Variants in PCDHGB3 observed in about 807,000 individuals in gnomAD.
PCDHGB3 encodes protocadherin gamma-B3.
In PCDHGB3, 40 loss-of-function variants were observed where a neutral mutation model predicts 59.2. The observed-to-expected ratio is 0.68, with a 90% CI of 0.52 to 0.88. The LOEUF is 0.88. Among genes scored for constraint, PCDHGB3 ranks in the 40% least tolerant of loss-of-function variants. The pLI is 0.00. For missense variants in PCDHGB3, 1,309 were observed against 1,187.9 expected (o/e 1.10, Z -1.50); for synonymous variants, 581 against 503.6 (o/e 1.15, Z -2.06).
rs765969768 is a variant in PCDHGB3, at chr5:141,421,456, G to A, written c.2415+48647G>A. ...CTCCAGAGGGAAGACACAGCTTTTC[G>A]CTGTGAATCCGCGAAGCGGCAGCTT... is the stretch of plus-strand genomic sequence containing the variant. On this transcript the variant is annotated intron_variant, in intron 1 of 3. Transcript: ENST00000576222. 9.3e-6 allele frequency: 15 copies of A among 1,614,132 alleles called. No homozygotes were observed. Among genetic ancestry groups the A allele is most frequent in the Non-Finnish European group, 1.1e-5 (13 of 1,179,948 alleles).
chr5:141,428,488 CTGT>C (rs2097142454), intron 1 of PCDHGB3: 1 of 312,362 alleles, frequency 3.2e-6, no homozygotes. Flanking sequence ...TTCCTGCAAT[CTGT>C]ATGTTCCCTC....
chr5:141,408,158 T>G lies in PCDHGB3; in HGVS notation c.2415+35349T>G, dbSNP rs1190245850. On this transcript the variant is annotated intron_variant, in intron 1 of 3. Coordinates refer to ENST00000576222, the MANE Select transcript of PCDHGB3 (RefSeq NM_018924.5). ...TCTTTTAGCGCGGTAGAGTGCACTTTCTCCAACTGGAAAAGCGGGGACCCA... is the reference window on the plus strand; with the variant it reads ...TCTTTTAGCGCGGTAGAGTGCACTTGCTCCAACTGGAAAAGCGGGGACCCA... The G allele has an allele frequency of 2.0e-6, 3 of 1,515,140 alleles. No individual in the cohort carries two copies. In the Admixed American group the frequency reaches 6.4e-5, roughly 32 times the overall value. The allele number at this position is 1,515,140 out of a possible 1,614,324, so 93.9% of individuals were successfully genotyped here.
rs575872277 is a variant in PCDHGB3, at chr5:141,511,848, G to A, written c.*675G>A. The A allele has an allele frequency of 6.4e-6, 1 of 156,684 alleles. No individual in the cohort carries two copies. The highest frequency in any genetic ancestry group is 2.0e-4 in the South Asian group (1 of 5,078). The allele number at this position is 156,684 out of a possible 1,614,324, so 9.7% of individuals were successfully genotyped here. A position where few individuals can be genotyped will look rare whatever the true frequency, so the allele number is the denominator to read the frequency against. ...GCCCTGGGGACCAGTCTTCTGTTTT[G>A]TTTTTCATTGTTTGACGTTTCCACT... On this transcript the variant is annotated 3_prime_UTR_variant, in exon 4 of 4. Transcript: ENST00000576222.
chr5:141,476,234 G>A lies in PCDHGB3; in HGVS notation c.2416-18573G>A. 6.2e-7 allele frequency: 1 copy of A among 1,614,070 alleles called. No individual in the cohort carries two copies. The highest frequency in any genetic ancestry group is 8.5e-7 in the Non-Finnish European group (1 of 1,180,014). On this transcript the variant is annotated intron_variant, in intron 1 of 3. Coordinates refer to ENST00000576222, the MANE Select transcript of PCDHGB3 (RefSeq NM_018924.5). The surrounding 1 kb of genome is among the most constrained non-coding windows in gnomAD (Gnocchi z 7.6). Reference sequence around the variant, plus strand: ...GGTCATTCACTATGAGATCCCGGAGGAAAGAGAGAAGGGTTTCGCTGTGGG... The same window carrying A: ...GGTCATTCACTATGAGATCCCGGAGAAAAGAGAGAAGGGTTTCGCTGTGGG...
At chr5:141,422,665 C>T in intron 1 of PCDHGB3, 2 of 1,608,390 alleles carry the variant, frequency 1.2e-6, no homozygotes, top group Non-Finnish European at 8.5e-7. Context: ...CGCCCTCGAC[C>T]CGGACAGCAA....
intron 1 of PCDHGB3, chr5:141,417,710 T>C: frequency 8.0e-7 from 1 of 1,249,348 alleles, no homozygotes; most frequent in Non-Finnish European, 1.1e-6. Context: ...ACACAGAGGC[T>C]CCCGGCTGCG....
At chr5:141,411,489 T>C (rs1229059443) in intron 1 of PCDHGB3, 1 of 152,090 alleles carries the variant, frequency 6.6e-6, no homozygotes, top group Non-Finnish European at 1.5e-5. Context: ...GAGGCTGAGC[T>C]GGGTGGATTG....
chr5:141,427,547 T>C (rs747558888), intron 1 of PCDHGB3: 1 of 640,310 alleles, frequency 1.6e-6, no homozygotes, highest in South Asian at 1.5e-5. Flanking sequence ...TCACCATCAC[T>C]GCCACTGACA....
intron 1 of PCDHGB3, chr5:141,423,758 G>GA: frequency 1.1e-5 from 4 of 366,840 alleles, no homozygotes; most frequent in South Asian, 8.5e-5. Flanking sequence ...TTTGGGGGGG[G>GA]GGTGGGGCGG....
At position 141,372,218 on chromosome 5, in the gene PCDHGB3, T is replaced by C; in HGVS notation, c.1824T>C (p.Ile608=). The C allele has an allele frequency of 6.2e-7, 1 of 1,613,544 alleles. No individual in the cohort carries two copies. Among genetic ancestry groups the C allele is most frequent in the Non-Finnish European group, 8.5e-7 (1 of 1,179,894 alleles). The change falls in exon 1 of 4, where the codon ATT becomes ATC. Residue 608 remains isoleucine (I), a synonymous_variant. Coordinates refer to ENST00000576222, the MANE Select transcript of PCDHGB3 (RefSeq NM_018924.5). ...ACAACGCCTGGCTGTCCTACCACAT[T>C]GTGCAGGCCAGCGAGCCCGGGCTGT... is the stretch of plus-strand genomic sequence containing the variant. ...SGYNAWLSYH[I]VQASEPGLFS...
At chr5:141,436,611 C>T (rs893312137) in intron 1 of PCDHGB3, among the ~76,000 whole-genome samples, 1 of 152,126 alleles carries the variant, frequency 6.6e-6, no homozygotes, top group Non-Finnish European at 1.5e-5. Context: ...CTAGGGCTAA[C>T]AAAAATCTGA....
chr5:141,461,072 A>C (rs555905734), intron 1 of PCDHGB3, among the ~76,000 whole-genome samples: 1 of 151,688 alleles, frequency 6.6e-6, no homozygotes, highest in African/African-American at 2.4e-5. Context: ...ACATTTTTGC[A>C]ATTGTGAATT....
At chr5:141,473,801 T>C (rs1593456345) in intron 1 of PCDHGB3, among the ~76,000 whole-genome samples, 1 of 152,226 alleles carries the variant, frequency 6.6e-6, no homozygotes, top group East Asian at 1.9e-4. Flanking sequence ...ATGATGCTAC[T>C]GAGGAGCAGC....
At chr5:141,382,585 A>C (rs543954739) in intron 1 of PCDHGB3, among the ~76,000 whole-genome samples, 8 of 152,250 alleles carry the variant, frequency 5.3e-5, no homozygotes, top group Non-Finnish European at 1.0e-4. Context: ...GGAAATTTTG[A>C]AAGATGAAAC....
At position 141,459,716 on chromosome 5, in the gene PCDHGB3, C is replaced by T. The variant is rs1592633942; in HGVS notation, c.2416-35091C>T. On this transcript the variant is annotated intron_variant, in intron 1 of 3. Coordinates refer to ENST00000576222, the MANE Select transcript of PCDHGB3 (RefSeq NM_018924.5). ...CGCTTGCTACATTTTCTCACCAATG[C>T]TTCCTATTGTCAATTTTTTAAATTT... is the stretch of plus-strand genomic sequence containing the variant. Among the ~76,000 whole-genome samples the T allele has an allele frequency of 2.0e-5, 3 of 152,334 alleles. No homozygotes were observed. In the South Asian group the frequency reaches 6.2e-4, roughly 32 times the overall value.
In PCDHGB3 at chr5:141,408,945, G is replaced by A. The variant is rs1176579339; in HGVS notation, c.2415+36136G>A. 21 of 1,613,590 alleles carry A rather than the reference G, an allele frequency of 1.3e-5. No individual in the cohort carries two copies. In the East Asian group the frequency reaches 4.7e-4, roughly 36 times the overall value. Reference sequence around the variant, plus strand: ...CCGGTTTTCAGCAGAGACGAATATAGAATTAGTCTTAGTGAAAATCTGCCC... The same window carrying A: ...CCGGTTTTCAGCAGAGACGAATATAAAATTAGTCTTAGTGAAAATCTGCCC... On this transcript the variant is annotated intron_variant, in intron 1 of 3. Coordinates refer to ENST00000576222, the MANE Select transcript of PCDHGB3 (RefSeq NM_018924.5).
At chr5:141,389,512 A>T in intron 1 of PCDHGB3, 1 of 1,613,138 alleles carries the variant, frequency 6.2e-7, no homozygotes, top group Non-Finnish European at 8.5e-7. Context: ...CTCAGCGCGA[A>T]CGTGAGCCTG....
At chr5:141,422,020 G>A (rs374562798) in intron 1 of PCDHGB3, 2 of 1,610,932 alleles carry the variant, frequency 1.2e-6, no homozygotes, top group Non-Finnish European at 1.7e-6. Flanking sequence ...GGTGCTGATG[G>A]TTAATGCAAC....
rs1184232947 is a variant in PCDHGB3 at position 141,487,060 on chromosome 5, G to T, written c.2416-7747G>T. ...TCTCTCGATATGCTGGGGAGGTGCG[G>T]ACGGCTGTTCCTATCCCAGCTGACC... On this transcript the variant is annotated intron_variant, in intron 1 of 3. Transcript: ENST00000576222. This position sits in a 1 kb window ranked among gnomAD's most constrained non-coding sequence, Gnocchi z 5.0. The T allele has an allele frequency of 1.9e-6, 3 of 1,614,182 alleles. No individual in the cohort carries two copies. In the East Asian group the frequency reaches 6.7e-5, roughly 36 times the overall value.
Sources: gnomAD v4.1 joint callset for allele counts (sites outside exome capture counted in the v4.1 genomes callset) on GRCh38, gnomAD v4.1.1 for gene constraint, Gnocchi (gnomAD v3.1) non-coding constraint, MANE v1.5 for transcripts, NCBI Gene and HGNC (gene_info 2026-07-23, HGNC 2026-07-21) for gene names.